VPS53: variants seen among roughly 807,000 people sequenced by gnomAD.
VPS53 encodes the protein vacuolar protein sorting-associated protein 53 homolog.
VPS53 carries 70 observed loss-of-function variants against 107.0 expected under a neutral mutation model. The observed-to-expected ratio is 0.65, with a 90% CI of 0.54 to 0.80. The LOEUF (loss-of-function observed/expected upper bound fraction) is 0.80. VPS53 is among the 30% of genes least tolerant of loss of function. The pLI is 0.00. For synonymous variants in VPS53, 409 were observed against 393.3 expected (o/e 1.04, Z -0.47); for missense variants, 917 against 1,049.4 (o/e 0.87, Z 1.74).
rs150501103 is a variant in VPS53 at position 601,757 on chromosome 17, T to C, written c.1218+38A>G. The C allele has an allele frequency of 9.3e-6, 14 of 1,498,524 alleles. No individual in the cohort carries two copies. The East Asian group carries it at 1.2e-4, about 13-fold the overall frequency. 92.8% of individuals were successfully genotyped at this position (1,498,524 alleles called of 1,614,324 possible). ...GCAGACCGATTTTCAGAAACGCACATTGGGTAGGTTACCCGTGGTGACGCA... is the reference window on the plus strand; with the variant it reads ...GCAGACCGATTTTCAGAAACGCACACTGGGTAGGTTACCCGTGGTGACGCA... On this transcript the variant is annotated intron_variant, in intron 12 of 21. Coordinates refer to ENST00000437048, the MANE Select transcript of VPS53 (RefSeq NM_001128159.3).
chr17:702,929 G>C (rs530028598), intron 2 of VPS53, among the ~76,000 whole-genome samples: 107 of 152,158 alleles, frequency 7.0e-4, no homozygotes, highest in Non-Finnish European at 1.2e-3. Context: ...GCGGAGGCCG[G>C]GCATGGTGGC....
chr17:544,867 C>T lies in VPS53; in HGVS notation c.1866+7005G>A, dbSNP rs146098083. On this transcript the variant is annotated intron_variant, in intron 17 of 21. Transcript: ENST00000437048. ...GGCCGAGGTGGGAGGATCACTAGAG[C>T]TCAGGAGTTTGAGACTGGCCTGGGC... Among the ~76,000 whole-genome samples, 6 of 152,178 alleles carry T rather than the reference C, an allele frequency of 3.9e-5. No homozygotes were observed. In the East Asian group the frequency reaches 1.2e-3, roughly 29 times the overall value.
At chr17:576,643 C>T (rs1356628063) in intron 13 of VPS53, among the ~76,000 whole-genome samples, 1 of 151,418 alleles carries the variant, frequency 6.6e-6, no homozygotes, top group Admixed American at 6.6e-5. Flanking sequence ...GATCCTCCCT[C>T]AGAATCTAAT....
At chr17:593,208 A>G (rs1597354318) in intron 12 of VPS53, among the ~76,000 whole-genome samples, 6 of 152,050 alleles carry the variant, frequency 3.9e-5, no homozygotes, top group Admixed American at 3.9e-4. Context: ...TAAAAACCCT[A>G]GAAGAAAACC....
At chr17:664,074 A>G (rs1238516121) in intron 4 of VPS53, among the ~76,000 whole-genome samples, 3 of 151,834 alleles carry the variant, frequency 2.0e-5, no homozygotes, top group Admixed American at 2.0e-4. Flanking sequence ...GTAGATTTGG[A>G]GTAAGATGAT....
intron 8 of VPS53, among the ~76,000 whole-genome samples, 165 bp downstream of exon 8, chr17:631,385 G>A (rs1969954095): frequency 6.6e-6 from 1 of 151,934 alleles, no homozygotes. Flanking sequence ...ACCACCTAGG[G>A]ACATTTAAAA....
At chr17:682,730 A>G (rs993873928) in intron 4 of VPS53, among the ~76,000 whole-genome samples, 1 of 152,184 alleles carries the variant, frequency 6.6e-6, no homozygotes, top group Non-Finnish European at 1.5e-5. Flanking sequence ...AAAAAATTTT[A>G]AGACATATAT....
At position 627,197 on chromosome 17, in the gene VPS53, C is replaced by T. The variant is rs140451396; in HGVS notation, c.951G>A (p.Ala317=). The change falls in exon 10 of 22, where the codon GCG becomes GCA. Residue 317 remains alanine (A), a synonymous_variant. Coordinates refer to ENST00000437048, the MANE Select transcript of VPS53 (RefSeq NM_001128159.3). The part of the protein sequence containing the change: ...PREWCMAERI[A]VEFCHVTRAE... Reference sequence around the variant, plus strand: ...ACCTTGTCACATGGCAAAATTCCACCGCAATCCTCTCAGCCATGCACCACT... The same window carrying T: ...ACCTTGTCACATGGCAAAATTCCACTGCAATCCTCTCAGCCATGCACCACT... 56 of 1,612,912 alleles carry T rather than the reference C, an allele frequency of 3.5e-5. No homozygotes were observed. The highest frequency in any genetic ancestry group is 2.5e-4 in the African/African-American group (19 of 74,952).
At chr17:671,291 G>A (rs1971933318) in intron 4 of VPS53, among the ~76,000 whole-genome samples, 2 of 150,306 alleles carry the variant, frequency 1.3e-5, no homozygotes, top group South Asian at 4.2e-4. Flanking sequence ...AAGAAGGAAG[G>A]AAGGGAGGGA....
chr17:540,359 AT>A (rs1200966801), intron 17 of VPS53: 3 of 151,996 alleles, frequency 2.0e-5, no homozygotes, highest in African/African-American at 4.8e-5. Context: ...AATTAAAAAA[AT>A]ATATTTTTTT....
intron 8 of VPS53, among the ~76,000 whole-genome samples, chr17:630,131 T>C (rs934952772): frequency 1.3e-5 from 2 of 151,476 alleles, no homozygotes; most frequent in African/African-American, 4.8e-5. Context: ...CCGTCTCTAC[T>C]AAAAATACAA....
intron 18 of VPS53, among the ~76,000 whole-genome samples, chr17:534,477 G>A (rs1333164251): frequency 6.6e-6 from 1 of 152,204 alleles, no homozygotes; most frequent in Non-Finnish European, 1.5e-5. Context: ...GAGGTGGCTT[G>A]TGATCAGGAA....
At chr17:535,817 G>T (rs1028148992) in intron 18 of VPS53, among the ~76,000 whole-genome samples, 1 of 152,134 alleles carries the variant, frequency 6.6e-6, no homozygotes, top group African/African-American at 2.4e-5. Flanking sequence ...TGACAAACTA[G>T]AAAGTAAAGC....
At chr17:681,029 A>C (rs1972372052) in intron 4 of VPS53, among the ~76,000 whole-genome samples, 1 of 152,258 alleles carries the variant, frequency 6.6e-6, no homozygotes, top group African/African-American at 2.4e-5. Flanking sequence ...TAATCCATTT[A>C]AACATGACAA....
At chr17:672,175 A>ACTCTCTCTCTCTCTCTCTCTC (rs1971987159) in intron 4 of VPS53, among the ~76,000 whole-genome samples, 1 of 107,068 alleles carries the variant, frequency 9.3e-6, no homozygotes, top group Non-Finnish European at 1.9e-5. Flanking sequence ...CACAATCTCA[A>ACTCTCTCTCTCTCTCTCTCTC]TCTCTCTCTC....
chr17:695,198 C>T (rs564102264), intron 4 of VPS53, among the ~76,000 whole-genome samples: 8 of 152,192 alleles, frequency 5.3e-5, no homozygotes, highest in African/African-American at 1.7e-4. Context: ...GAAAGGACAT[C>T]GAGGGACACT....
At chr17:549,503 G>A (rs1468456314) in intron 17 of VPS53, among the ~76,000 whole-genome samples, 4 of 152,074 alleles carry the variant, frequency 2.6e-5, no homozygotes, top group Admixed American at 1.3e-4. Flanking sequence ...GGCAGGGTTT[G>A]AGGGAAATCC....
At chr17:651,416 C>T (rs1970943654) in intron 7 of VPS53, among the ~76,000 whole-genome samples, 1 of 152,150 alleles carries the variant, frequency 6.6e-6, no homozygotes, top group South Asian at 2.1e-4. Context: ...AGAGTGAGAC[C>T]CTGTCTCTAC....
At chr17:659,353 G>C (rs146388219) in intron 5 of VPS53, among the ~76,000 whole-genome samples, 1 of 152,244 alleles carries the variant, frequency 6.6e-6, no homozygotes, top group East Asian at 1.9e-4. Context: ...GTGCGATCTT[G>C]GTTCACTGCA....
Sources: allele counts gnomAD v4.1 joint callset (sites outside exome capture counted in the v4.1 genomes callset), GRCh38; gene constraint gnomAD v4.1.1; transcripts MANE v1.5; gene names NCBI Gene and HGNC (gene_info 2026-07-23, HGNC 2026-07-21).